The following CDH8 variants were observed in gnomAD, a reference collection of about 807,000 sequenced individuals.
The protein encoded by CDH8 is cadherin-8.
A neutral mutation model predicts 68.1 loss-of-function variants in CDH8; 17 were observed. The observed-to-expected ratio is 0.25, with a 90% CI of 0.17 to 0.37. The LOEUF is 0.37. CDH8 is among the 10% of genes least tolerant of loss of function. The pLI, the probability that CDH8 is intolerant of heterozygous loss-of-function variation, is 1.00. For missense variants in CDH8, 763 were observed against 999.3 expected (o/e 0.76, Z 3.19); for synonymous variants, 372 against 365.1 (o/e 1.02, Z -0.21).
At chr16:62,003,608 G>A (rs2150598547) in intron 2 of CDH8, among the ~76,000 whole-genome samples, 1 of 152,152 alleles carries the variant, frequency 6.6e-6, no homozygotes, top group South Asian at 2.1e-4. Context: ...TCCTTCCAAG[G>A]GTGGTCCGCA....
In CDH8 at chr16:61,882,967, A is replaced by C. The variant is rs548498528; in HGVS notation, c.547+18212T>G. Among the ~76,000 whole-genome samples, 16 of 152,252 alleles carry C rather than the reference A, an allele frequency of 1.1e-4. 1 individual carries two copies. In the South Asian group the frequency reaches 3.3e-3, roughly 32 times the overall value. ...ACTTTAATTGATATTCTGCCATGTA[A>C]ATCTTAAGCAAGCACTGTCCTAGGT... On this transcript the variant is annotated intron_variant, in intron 3 of 11. Coordinates refer to ENST00000577390, the MANE Select transcript of CDH8 (RefSeq NM_001796.5).
At chr16:61,893,383 C>G (rs1431876758) in intron 3 of CDH8, among the ~76,000 whole-genome samples, 1 of 151,518 alleles carries the variant, frequency 6.6e-6, no homozygotes, top group African/African-American at 2.4e-5. Flanking sequence ...GAACGCTATC[C>G]AACCCAGTAC....
intron 7 of CDH8, among the ~76,000 whole-genome samples, chr16:61,790,257 T>C (rs963533107): frequency 1.3e-5 from 2 of 152,052 alleles, no homozygotes; most frequent in Non-Finnish European, 2.9e-5. Flanking sequence ...AAACTGCTTC[T>C]CAGGACCACT....
rs183107860 is a variant in CDH8, at chr16:61,928,189, A to C, written c.253-26716T>G. On this transcript the variant is annotated intron_variant, in intron 2 of 11. Coordinates refer to ENST00000577390, the MANE Select transcript of CDH8 (RefSeq NM_001796.5). ...AAACAAGTAGTCCCAACAATAAGAC[A>C]GTAACCAAATTTCTTGATGTGAATC... Among the ~76,000 whole-genome samples the C allele has an allele frequency of 3.0e-3, 452 of 152,346 alleles. 3 individuals are homozygous for C. The highest frequency in any genetic ancestry group is 0.02 in the Middle Eastern group (6 of 294).
intron 2 of CDH8, among the ~76,000 whole-genome samples, chr16:61,960,182 TATGTGTGTGTATACACATACATATATAC>T (rs1965097426): frequency 3.9e-5 from 5 of 128,906 alleles, no homozygotes; most frequent in Non-Finnish European, 5.1e-5. Flanking sequence ...CATATATACA[TATGTGTGTGTATACACATACATATATAC>T]ATGTGTGTGT....
At chr16:62,004,111 A>G (rs374711303) in intron 2 of CDH8, among the ~76,000 whole-genome samples, 3 of 152,338 alleles carry the variant, frequency 2.0e-5, no homozygotes, top group African/African-American at 7.2e-5. Flanking sequence ...TGCAATTTTT[A>G]AAAAGCTTTA....
At chr16:62,031,093 AT>A (rs140248154) in intron 1 of CDH8, among the ~76,000 whole-genome samples, 18 of 152,166 alleles carry the variant, frequency 1.2e-4, no homozygotes, top group Non-Finnish European at 1.8e-4. Context: ...CAATTAGTGC[AT>A]TTTTTTGCCA....
chr16:61,828,838 T>A (rs754575262), intron 4 of CDH8, among the ~76,000 whole-genome samples: 1 of 151,864 alleles, frequency 6.6e-6, no homozygotes, highest in African/African-American at 2.4e-5. Context: ...CAATCAGAGA[T>A]AATAACCAGC....
At chr16:61,759,289 GA>G (rs1197349678) in intron 8 of CDH8, among the ~76,000 whole-genome samples, 1 of 152,044 alleles carries the variant, frequency 6.6e-6, no homozygotes. Flanking sequence ...CATGCAGATT[GA>G]GAAGACATCT....
At chr16:61,879,833 G>T (rs1055899787) in intron 3 of CDH8, among the ~76,000 whole-genome samples, 1 of 152,152 alleles carries the variant, frequency 6.6e-6, no homozygotes, top group African/African-American at 2.4e-5. Context: ...TTATGGGAGA[G>T]TAGAAATAGC....
chr16:61,877,014 T>C (rs983595121), intron 3 of CDH8, among the ~76,000 whole-genome samples: 2 of 152,146 alleles, frequency 1.3e-5, no homozygotes, highest in Admixed American at 6.5e-5. Flanking sequence ...ATATAACATA[T>C]GAAAATCTCA....
chr16:61,963,206 G>A (rs1003546745), intron 2 of CDH8, among the ~76,000 whole-genome samples: 4 of 152,110 alleles, frequency 2.6e-5, no homozygotes, highest in Non-Finnish European at 4.4e-5. Flanking sequence ...AAGGCATGGT[G>A]GGGAGGGGGG....
chr16:61,899,825 T>C (rs538104954), intron 3 of CDH8, among the ~76,000 whole-genome samples: 2,997 of 89,518 alleles, frequency 0.033, 98 homozygotes, highest in African/African-American at 0.13. Context: ...TCAGGAATGT[T>C]ATAAAGACAC....
intron 7 of CDH8, among the ~76,000 whole-genome samples, chr16:61,791,102 T>C (rs549104330): frequency 6.6e-6 from 1 of 151,914 alleles, no homozygotes; most frequent in African/African-American, 2.4e-5. Flanking sequence ...TATTATGAAA[T>C]GAAATAATAA....
chr16:61,780,475 T>G (rs1961021146), intron 8 of CDH8, among the ~76,000 whole-genome samples: 1 of 152,240 alleles, frequency 6.6e-6, no homozygotes. Flanking sequence ...ACAGATGGAC[T>G]TTGCTAAAAT....
chr16:61,715,743 C>T (rs1964718843), intron 9 of CDH8, among the ~76,000 whole-genome samples: 1 of 151,246 alleles, frequency 6.6e-6, no homozygotes, highest in African/African-American at 2.4e-5. Flanking sequence ...AGAGAGAGGC[C>T]CTAGGGTACT....
At chr16:61,701,618 C>A (rs1964429731) in intron 10 of CDH8, among the ~76,000 whole-genome samples, 1 of 152,088 alleles carries the variant, frequency 6.6e-6, no homozygotes, top group African/African-American at 2.4e-5. Flanking sequence ...CAGTATTATT[C>A]ACTAGATACC....
intron 10 of CDH8, among the ~76,000 whole-genome samples, chr16:61,701,186 G>A (rs546107808): frequency 2.0e-5 from 3 of 151,758 alleles, no homozygotes; most frequent in South Asian, 4.2e-4. Flanking sequence ...CTAGACTACC[G>A]TGATGTATAG....
intron 1 of CDH8, among the ~76,000 whole-genome samples, chr16:62,022,042 G>T (rs1324008777): frequency 1.3e-5 from 2 of 150,782 alleles, no homozygotes; most frequent in East Asian, 1.9e-4. Flanking sequence ...TTCTTTCTTT[G>T]TTTTTCTTTC....
Sources: gnomAD v4.1 joint callset for allele counts (sites outside exome capture counted in the v4.1 genomes callset) on GRCh38, gnomAD v4.1.1 for gene constraint, MANE v1.5 for transcripts, NCBI Gene and HGNC (gene_info 2026-07-23, HGNC 2026-07-21) for gene names.